Variants in JAM2 observed in about 807,000 individuals in gnomAD.
JAM2 encodes the protein junctional adhesion molecule 2.
In JAM2, 17 loss-of-function variants were observed where a neutral mutation model predicts 42.0. The ratio of observed to expected loss-of-function variants is 0.40; its 90% CI spans 0.28 to 0.61. The LOEUF (loss-of-function observed/expected upper bound fraction) is 0.61, where lower values mean the gene tolerates loss of function less well. Among genes scored for constraint, JAM2 ranks in the 20% least tolerant of loss-of-function variants. JAM2 has a pLI of 0.37. For missense variants in JAM2, 319 were observed against 358.3 expected (o/e 0.89, Z 0.89); for synonymous variants, 118 against 128.6 (o/e 0.92, Z 0.56).
At chr21:25,671,821 CTTTG>C (rs1269414090) in intron 1 of JAM2, among the ~76,000 whole-genome samples, 2 of 152,120 alleles carry the variant, frequency 1.3e-5, no homozygotes, top group Non-Finnish European at 2.9e-5. Context: ...AAAGGATTCT[CTTTG>C]TTTGAGAAAT....
chr21:25,714,078 G>A (rs964286321), intron 9 of JAM2, among the ~76,000 whole-genome samples: 2 of 152,182 alleles, frequency 1.3e-5, no homozygotes, highest in African/African-American at 4.8e-5. Flanking sequence ...ACCAGATGCC[G>A]GGGCATCCTC....
At chr21:25,655,647 AT>A (rs536746237) in intron 1 of JAM2, among the ~76,000 whole-genome samples, 1,635 of 90,772 alleles carry the variant, frequency 0.018, 62 homozygotes, top group African/African-American at 0.082. Flanking sequence ...CGCCCAGCTA[AT>A]TTTTTTTTTT....
chr21:25,705,661 C>T (rs1165141627), intron 6 of JAM2, among the ~76,000 whole-genome samples: 2 of 152,214 alleles, frequency 1.3e-5, no homozygotes, highest in Non-Finnish European at 2.9e-5. Flanking sequence ...ACTCATTGAA[C>T]TTCAAAGATT....
At chr21:25,655,518 T>C (rs2032910688) in intron 1 of JAM2, among the ~76,000 whole-genome samples, 1 of 148,852 alleles carries the variant, frequency 6.7e-6, no homozygotes, top group African/African-American at 2.5e-5. Flanking sequence ...TCTCACTCTG[T>C]CACACAGGCT....
intron 5 of JAM2, among the ~76,000 whole-genome samples, chr21:25,699,649 G>C (rs1401887975): frequency 1.3e-5 from 2 of 150,564 alleles, no homozygotes; most frequent in Non-Finnish European, 2.9e-5. Context: ...CGTGAACCCG[G>C]GAGGCGGAGC....
At chr21:25,700,644 G>A (rs1279217349) in intron 5 of JAM2, among the ~76,000 whole-genome samples, 1 of 152,200 alleles carries the variant, frequency 6.6e-6, no homozygotes, top group African/African-American at 2.4e-5. Flanking sequence ...ACAGCTGTGA[G>A]CCACCGTACC....
chr21:25,699,722 C>CA (rs59490509), intron 5 of JAM2, among the ~76,000 whole-genome samples: 1,597 of 41,946 alleles, frequency 0.038, 179 homozygotes, highest in East Asian at 0.08. Context: ...GGCTCCGTCT[C>CA]AAAAAAAAAA....
At chr21:25,649,847 T>C (rs1212383179) in intron 1 of JAM2, among the ~76,000 whole-genome samples, 1 of 152,186 alleles carries the variant, frequency 6.6e-6, no homozygotes, top group African/African-American at 2.4e-5. Context: ...AAGTTCAACA[T>C]TGGGCAGCTA....
At chr21:25,659,695 T>C (rs1180107036) in intron 1 of JAM2, among the ~76,000 whole-genome samples, 2 of 152,234 alleles carry the variant, frequency 1.3e-5, no homozygotes, top group Non-Finnish European at 2.9e-5. Context: ...CAAAGATTTT[T>C]ATTAGAGATT....
chr21:25,712,603 T>C (rs796776643), intron 9 of JAM2, among the ~76,000 whole-genome samples: 2 of 152,346 alleles, frequency 1.3e-5, no homozygotes, highest in African/African-American at 4.8e-5. Context: ...AAGTGATCTT[T>C]AATCATATCA....
At chr21:25,664,306 G>A (rs372389483) in intron 1 of JAM2, among the ~76,000 whole-genome samples, 1 of 152,180 alleles carries the variant, frequency 6.6e-6, no homozygotes, top group South Asian at 2.1e-4. Context: ...CGTGATCTCG[G>A]CTCACCACAA....
intron 8 of JAM2, chr21:25,709,808 T>C (rs1395873970): frequency 2.1e-5 from 4 of 186,580 alleles, no homozygotes; most frequent in Admixed American, 1.7e-4. Flanking sequence ...AGGAGCAAGG[T>C]TGGGGAGGTG....
At chr21:25,714,098 T>C in intron 9 of JAM2, 1 of 1,114,000 alleles carries the variant, frequency 9.0e-7, no homozygotes, top group Non-Finnish European at 1.2e-6. Context: ...CCTAACAGGA[T>C]TTGTCTGCCT....
At chr21:25,706,722 T>C (rs1455761892) in intron 7 of JAM2, among the ~76,000 whole-genome samples, 2 of 152,144 alleles carry the variant, frequency 1.3e-5, no homozygotes, top group South Asian at 2.1e-4. Context: ...ATAGTATCTT[T>C]GCATGTTTTT....
intron 3 of JAM2, among the ~76,000 whole-genome samples, chr21:25,690,232 T>G (rs1568909395): frequency 6.6e-6 from 1 of 152,244 alleles, no homozygotes; most frequent in Non-Finnish European, 1.5e-5. Flanking sequence ...TTGCTCTTAT[T>G]GGCTCAGTAG....
rs117382068 is a variant in JAM2, at chr21:25,686,415, G to A, written c.133+2467G>A. On this transcript the variant is annotated intron_variant, in intron 2 of 9. Transcript: ENST00000480456. ...CTAGATGCAGTAACTTAATTTTGCCGTAAGTCTATAATATTTTATGATTTG... is the reference window on the plus strand; with the variant it reads ...CTAGATGCAGTAACTTAATTTTGCCATAAGTCTATAATATTTTATGATTTG... Among the ~76,000 whole-genome samples the A allele has an allele frequency of 6.4e-3, 970 of 151,906 alleles. 5 individuals carry two copies. Among genetic ancestry groups the A allele is most frequent in the Non-Finnish European group, 0.01 (692 of 67,968 alleles).
At chr21:25,652,556 C>G (rs2032812036) in intron 1 of JAM2, among the ~76,000 whole-genome samples, 1 of 151,992 alleles carries the variant, frequency 6.6e-6, no homozygotes. Context: ...ATGTTTTAAA[C>G]TTTAGTACTT....
intron 4 of JAM2, among the ~76,000 whole-genome samples, chr21:25,696,618 A>G (rs1156996757): frequency 6.6e-6 from 1 of 152,190 alleles, no homozygotes; most frequent in Non-Finnish European, 1.5e-5. Context: ...TATCTGCCCA[A>G]AGTATCACAA....
At chr21:25,648,586 T>C (rs753904612) in intron 1 of JAM2, among the ~76,000 whole-genome samples, 2 of 152,168 alleles carry the variant, frequency 1.3e-5, no homozygotes, top group Non-Finnish European at 2.9e-5. Flanking sequence ...ATGCAATTTC[T>C]CCCTGAAGGT....
Sources: gnomAD v4.1 joint callset for allele counts (sites outside exome capture counted in the v4.1 genomes callset) on GRCh38, gnomAD v4.1.1 for gene constraint, MANE v1.5 for transcripts, NCBI Gene and HGNC (gene_info 2026-07-23, HGNC 2026-07-21) for gene names.